JAZF1: variants seen among roughly 807,000 people sequenced by gnomAD.
JAZF1 encodes the protein JAZF zinc finger 1, also known as juxtaposed with another zinc finger protein 1.
In JAZF1, 8 loss-of-function variants were observed where a neutral mutation model predicts 26.4. The ratio of observed to expected loss-of-function variants is 0.30; its 90% confidence interval spans 0.18 to 0.55. The LOEUF (loss-of-function observed/expected upper bound fraction) is 0.55. Ranked by LOEUF, JAZF1 falls within the 20% of genes least tolerant of loss-of-function variation. The pLI, the probability that JAZF1 is intolerant of heterozygous loss-of-function variation, is 0.94. For synonymous variants in JAZF1, 126 were observed against 122.3 expected, an observed-to-expected ratio of 1.03 and a Z score of -0.20; for missense variants, 199 against 322.0, an observed-to-expected ratio of 0.62 and a Z score of 2.92.
chr7:27,902,241 A>G (rs56410344), intron 2 of JAZF1, among the ~76,000 whole-genome samples: 37,661 of 152,250 alleles, frequency 0.25, 5,120 homozygotes, highest in Non-Finnish European at 0.3. Context: ...TCTTTATGAA[A>G]TCTAAAAAAT....
chr7:27,935,076 A>T (rs1336708062), intron 2 of JAZF1, among the ~76,000 whole-genome samples: 1 of 152,268 alleles, frequency 6.6e-6, no homozygotes, highest in Non-Finnish European at 1.5e-5. Flanking sequence ...AAGATATACA[A>T]ATGCCAATAA....
chr7:28,160,354 C>T lies in JAZF1; in HGVS notation c.115+20109G>A, dbSNP rs138337154. 3.1e-3 allele frequency among the ~76,000 whole-genome samples: 479 copies of T among 152,266 alleles called. 3 individuals carry two copies. The highest frequency in any genetic ancestry group is 0.011 in the African/African-American group (460 of 41,540). On this transcript the variant is annotated intron_variant, in intron 1 of 4. Transcript: ENST00000283928. The stretch of plus-strand genomic sequence containing the variant: ...CTTTCTTTCCAGCCCTTACCACTAC[C>T]TAATATGACATACTTTTGTTTCTTT...
chr7:28,130,436 G>C (rs920108281), intron 1 of JAZF1, among the ~76,000 whole-genome samples: 1 of 152,234 alleles, frequency 6.6e-6, no homozygotes, highest in East Asian at 1.9e-4. Context: ...ATCATAAACT[G>C]AGAGCTAAAC....
At chr7:28,067,858 C>A (rs1048073736) in intron 1 of JAZF1, among the ~76,000 whole-genome samples, 1 of 152,150 alleles carries the variant, frequency 6.6e-6, no homozygotes. Flanking sequence ...AGACTTCAGC[C>A]TCAGTCTCTC....
In JAZF1 at chr7:27,873,934, T is replaced by C. The variant is rs1056338807; in HGVS notation, c.385+21286A>G. ...ATTATATGGACTAAAAACATCAGAC[T>C]TCCACCAGGATCATGTATAATTCAG... On this transcript the variant is annotated intron_variant, in intron 3 of 4. Coordinates refer to ENST00000283928, the MANE Select transcript of JAZF1 (RefSeq NM_175061.4). Among the ~76,000 whole-genome samples the C allele has an allele frequency of 3.3e-5, 5 of 152,214 alleles. No homozygotes were observed. The East Asian group carries it at 9.6e-4, about 29-fold the overall frequency.
At chr7:28,098,529 T>C (rs2127926098) in intron 1 of JAZF1, among the ~76,000 whole-genome samples, 1 of 152,240 alleles carries the variant, frequency 6.6e-6, no homozygotes, top group South Asian at 2.1e-4. Flanking sequence ...TAGCACTCAA[T>C]CATAATCTCC....
At chr7:27,861,908 G>T (rs1783388297) in intron 3 of JAZF1, among the ~76,000 whole-genome samples, 2 of 152,210 alleles carry the variant, frequency 1.3e-5, no homozygotes, top group Non-Finnish European at 2.9e-5. Context: ...AAGGGCACTG[G>T]ACTTCTACCA....
intron 3 of JAZF1, among the ~76,000 whole-genome samples, chr7:27,870,203 G>A (rs970257438): frequency 1.3e-5 from 2 of 151,528 alleles, no homozygotes; most frequent in African/African-American, 2.4e-5. Flanking sequence ...GGGATTACAG[G>A]CGTGAGCCAC....
chr7:28,009,241 C>CA (rs35774047), intron 1 of JAZF1, among the ~76,000 whole-genome samples: 2,991 of 143,518 alleles, frequency 0.021, 67 homozygotes, highest in African/African-American at 0.059. Flanking sequence ...AACATACTTT[C>CA]AAAAAAAAAA....
At chr7:27,933,767 C>T (rs1040728129) in intron 2 of JAZF1, among the ~76,000 whole-genome samples, 1 of 152,076 alleles carries the variant, frequency 6.6e-6, no homozygotes, top group African/African-American at 2.4e-5. Context: ...TGTGGGCTAC[C>T]TGCTGAGTTC....
intron 1 of JAZF1, chr7:28,071,508 G>T: frequency 4.6e-6 from 2 of 431,748 alleles, no homozygotes; most frequent in South Asian, 1.7e-5. Context: ...CATTTGGAAA[G>T]ATTTTGGTTT....
rs574592306 is a variant in JAZF1, at chr7:28,116,886, C to T, written c.115+63577G>A. 9.2e-5 allele frequency among the ~76,000 whole-genome samples: 14 copies of T among 151,984 alleles called. No homozygotes were observed. In the East Asian group the frequency reaches 9.7e-4, roughly 11 times the overall value. On this transcript the variant is annotated intron_variant, in intron 1 of 4. Transcript: ENST00000283928. ...TTGCCCAAGCTGGAATGCAGTGGCG[C>T]GATCTCAGCTCACTGCAACCTCCGC...
Position 28,092,768 on chromosome 7 carries a change from G to C in JAZF1, c.115+87695C>G, listed in dbSNP as rs143713948. ...CCAGCCACTCAGGAGGCTGAGGTGG[G>C]AGGATCACCTGGGCCTGGGAAGATC... On this transcript the variant is annotated intron_variant, in intron 1 of 4. Coordinates refer to ENST00000283928, the MANE Select transcript of JAZF1 (RefSeq NM_175061.4). 5.8e-3 allele frequency among the ~76,000 whole-genome samples: 887 copies of C among 152,026 alleles called. 12 individuals are homozygous for C. Among genetic ancestry groups the C allele is most frequent in the African/African-American group, 0.021 (856 of 41,464 alleles).
chr7:28,177,772 A>T (rs1165997917), intron 1 of JAZF1, among the ~76,000 whole-genome samples: 1 of 152,240 alleles, frequency 6.6e-6, no homozygotes, highest in African/African-American at 2.4e-5. Flanking sequence ...AACGATAAAT[A>T]CCACATAACA....
At chr7:27,870,882 C>T (rs1313946675) in intron 3 of JAZF1, among the ~76,000 whole-genome samples, 1 of 152,218 alleles carries the variant, frequency 6.6e-6, no homozygotes, top group East Asian at 1.9e-4. Flanking sequence ...CCCAAACAAG[C>T]TGCTTATCTA....
At chr7:28,041,135 G>T in intron 1 of JAZF1, among the ~76,000 whole-genome samples, 1 of 152,204 alleles carries the variant, frequency 6.6e-6, no homozygotes, top group Non-Finnish European at 1.5e-5. Context: ...AGTATTTGGA[G>T]AACGTAAGAG....
At chr7:27,990,431 A>T (rs1236283088) in intron 2 of JAZF1, among the ~76,000 whole-genome samples, 1 of 77,276 alleles carries the variant, frequency 1.3e-5, no homozygotes, top group Non-Finnish European at 2.9e-5. Flanking sequence ...CTTAAAGTAT[A>T]AAAAAAAAAA....
intron 1 of JAZF1, among the ~76,000 whole-genome samples, chr7:28,102,117 C>T (rs1399311418): frequency 6.6e-6 from 1 of 152,136 alleles, no homozygotes; most frequent in African/African-American, 2.4e-5. Context: ...TTGCCCAGCA[C>T]CCCCAAGGGA....
intron 4 of JAZF1, among the ~76,000 whole-genome samples, chr7:27,834,036 G>A (rs1782759424): frequency 6.6e-6 from 1 of 152,322 alleles, no homozygotes; most frequent in Middle Eastern, 3.4e-3. Context: ...AGGAGAGTGA[G>A]CTGTTTCCTA....
Sources: gnomAD v4.1 joint callset for allele counts (sites outside exome capture counted in the v4.1 genomes callset) on GRCh38, gnomAD v4.1.1 for gene constraint, MANE v1.5 for transcripts, NCBI Gene and HGNC (gene_info 2026-07-23, HGNC 2026-07-21) for gene names.